SLC26A5: variants seen among roughly 807,000 people sequenced by gnomAD.
SLC26A5 encodes the protein solute carrier family 26 member 5.
A neutral mutation model predicts 81.0 loss-of-function variants in SLC26A5; 51 were observed. The ratio of observed to expected loss-of-function variants is 0.63; its 90% confidence interval spans 0.50 to 0.80. The LOEUF is 0.80. Among genes scored for constraint, SLC26A5 ranks in the 30% least tolerant of loss-of-function variants. The pLI is 0.00. For missense variants in SLC26A5, 771 were observed against 905.8 expected, an observed-to-expected ratio of 0.85 and a Z score of 1.91; for synonymous variants, 325 against 332.8, an observed-to-expected ratio of 0.98 and a Z score of 0.25.
chr7:103,398,015 C>T lies in SLC26A5; in HGVS notation c.889-1G>A. On this transcript the variant is annotated splice_acceptor_variant, in intron 8 of 19. Transcript: ENST00000306312. LOFTEE classifies it high-confidence loss of function. ...CTGAAATGCCAGTTCCCATTACGAC[C>T]TAAAAAGACACAAATCCAAATGCAC... 1.2e-6 allele frequency: 2 copies of T among 1,613,358 alleles called. No individual in the cohort carries two copies. The highest frequency in any genetic ancestry group is 1.7e-6 in the Non-Finnish European group (2 of 1,179,434).
At chr7:103,370,082 A>C (rs2116293662), downstream of SLC26A5, among the ~76,000 whole-genome samples, 1 of 152,260 alleles carries the variant, frequency 6.6e-6, no homozygotes, top group East Asian at 1.9e-4. Flanking sequence ...CATTGCATGC[A>C]TTTTGGTTAG....
chr7:103,359,987 A>G (rs1820283897), intron 19 of SLC26A5, among the ~76,000 whole-genome samples: 1 of 151,936 alleles, frequency 6.6e-6, no homozygotes, highest in Non-Finnish European at 1.5e-5. Context: ...AGGCTGACGC[A>G]GGAGAATTGC....
chr7:103,365,992 T>A, intron 19 of SLC26A5: 1 of 1,068,618 alleles, frequency 9.4e-7, no homozygotes, highest in South Asian at 1.4e-5. Flanking sequence ...GGAATAAATA[T>A]TGAAAAGTTT....
chr7:103,411,527 C>A lies in SLC26A5; in HGVS notation c.463G>T (p.Asp155Tyr), dbSNP rs1234227146. ...TTTACTCCTCCTGGAATGACTATAT[C>A]ATCTGGTACTAATCGAACAGCTACA... The part of the protein sequence containing the change: ...GGVAVRLVPD[D>Y]IVIPGGVNAT... Residue 155 changes from aspartate (D) to tyrosine (Y), a missense_variant, in exon 6 of 20, where the codon GAT becomes TAT. Coordinates refer to ENST00000306312, the MANE Select transcript of SLC26A5 (RefSeq NM_198999.3). 6.2e-6 allele frequency: 10 copies of A among 1,614,170 alleles called. No individual in the cohort carries two copies. The highest frequency in any genetic ancestry group is 2.2e-5 in the East Asian group (1 of 44,876).
At chr7:103,412,734 A>C (rs1824601973) in intron 5 of SLC26A5, among the ~76,000 whole-genome samples, 1 of 151,882 alleles carries the variant, frequency 6.6e-6, no homozygotes, top group Non-Finnish European at 1.5e-5. Flanking sequence ...ATTTTTACAA[A>C]GAGATGGGGT....
At chr7:103,354,363 C>T (rs530597119) in intron 19 of SLC26A5, among the ~76,000 whole-genome samples, 12 of 148,764 alleles carry the variant, frequency 8.1e-5, no homozygotes, top group Middle Eastern at 3.5e-3. Context: ...ATTTCACACA[C>T]GATTTTTTTT....
downstream of SLC26A5, among the ~76,000 whole-genome samples, chr7:103,372,891 A>AC (rs1286912090): frequency 3.3e-5 from 5 of 150,740 alleles, no homozygotes; most frequent in Middle Eastern, 3.4e-3. Flanking sequence ...AAAAAAAAAA[A>AC]AAACACTAAT....
intron 2 of SLC26A5, 55 bp from the exon 3 acceptor site, chr7:103,421,622 T>C (rs1825360177): frequency 8.4e-7 from 1 of 1,184,640 alleles, no homozygotes; most frequent in Non-Finnish European, 1.2e-6. Context: ...CTGATGACTT[T>C]TCCTAAGCAT....
intron 19 of SLC26A5, among the ~76,000 whole-genome samples, chr7:103,366,894 TC>T (rs1378076842): frequency 1.3e-5 from 2 of 152,174 alleles, no homozygotes; most frequent in Admixed American, 6.5e-5. Context: ...AACCTCTGCC[TC>T]CTGGGTTCAA....
rs57336876 is a variant in SLC26A5 at position 103,394,114 on chromosome 7, C to T, written c.972-1048G>A. Among the ~76,000 whole-genome samples the T allele has an allele frequency of 5.8e-3, 876 of 152,284 alleles. 10 individuals are homozygous for T. The highest frequency in any genetic ancestry group is 0.017 in the African/African-American group (704 of 41,550). Reference sequence around the variant, plus strand: ...AAACCATAAAGAACCTGCTTGGCCACAGCTATTTCTCTTACTATGTCATAG... The same window carrying T: ...AAACCATAAAGAACCTGCTTGGCCATAGCTATTTCTCTTACTATGTCATAG... On this transcript the variant is annotated intron_variant, in intron 9 of 19. Transcript: ENST00000306312.
At chr7:103,424,010 A>G (rs1258913326) in intron 2 of SLC26A5, among the ~76,000 whole-genome samples, 1 of 152,074 alleles carries the variant, frequency 6.6e-6, no homozygotes, top group Non-Finnish European at 1.5e-5. Context: ...CACATCACAA[A>G]CCCTACCACT....
At chr7:103,357,002 C>G (rs572722626) in intron 19 of SLC26A5, among the ~76,000 whole-genome samples, 11 of 152,224 alleles carry the variant, frequency 7.2e-5, no homozygotes, top group African/African-American at 2.6e-4. Context: ...TATTCACTCA[C>G]TTTTTAGTTT....
At chr7:103,366,813 TTTTTG>T (rs376406023) in intron 19 of SLC26A5, among the ~76,000 whole-genome samples, 22 of 152,288 alleles carry the variant, frequency 1.4e-4, no homozygotes, top group African/African-American at 5.1e-4. Context: ...TAGACTTTTT[TTTTTG>T]TTTTAAGAAA....
At chr7:103,358,717 A>C (rs988130432) in intron 19 of SLC26A5, among the ~76,000 whole-genome samples, 1 of 151,846 alleles carries the variant, frequency 6.6e-6, no homozygotes, top group Non-Finnish European at 1.5e-5. Context: ...ATATGTTCTT[A>C]TCTCTCTATG....
downstream of SLC26A5, among the ~76,000 whole-genome samples, chr7:103,372,952 G>A (rs1315912004): frequency 6.6e-6 from 1 of 151,078 alleles, no homozygotes; most frequent in Non-Finnish European, 1.5e-5. Context: ...ATAATTAAAT[G>A]AAAATAATAA....
At chr7:103,353,874 A>C in intron 19 of SLC26A5, 1 of 1,525,866 alleles carries the variant, frequency 6.6e-7, no homozygotes, top group Non-Finnish European at 9.0e-7. Context: ...TAAAAATTTT[A>C]ATTCTAGTTT....
intron 2 of SLC26A5, among the ~76,000 whole-genome samples, chr7:103,437,346 G>C (rs1207283508): frequency 6.6e-6 from 1 of 152,168 alleles, no homozygotes; most frequent in Non-Finnish European, 1.5e-5. Flanking sequence ...GTGTATATTA[G>C]TACAACCATT....
At chr7:103,374,613 A>C (rs753212480) in intron 19 of SLC26A5, 21 bp from the exon 20 acceptor site, 2 of 1,611,970 alleles carry the variant, frequency 1.2e-6, no homozygotes, top group South Asian at 2.2e-5. Flanking sequence ...AAGAAAAGAA[A>C]ATTAGTCCAC....
At chr7:103,418,958 G>C (rs550435278) in intron 4 of SLC26A5, among the ~76,000 whole-genome samples, 1 of 152,268 alleles carries the variant, frequency 6.6e-6, no homozygotes, top group South Asian at 2.1e-4. Context: ...CCCATGTGTT[G>C]TGAGAGGGAC....
Sources: gnomAD v4.1 joint callset for allele counts (sites outside exome capture counted in the v4.1 genomes callset) on GRCh38, gnomAD v4.1.1 for gene constraint, MANE v1.5 for transcripts, NCBI Gene and HGNC (gene_info 2026-07-23, HGNC 2026-07-21) for gene names.